The following GABRG2 variants were observed in gnomAD, a reference collection of about 807,000 sequenced individuals.
GABRG2 encodes gamma-aminobutyric acid receptor subunit gamma-2.
GABRG2 carries 16 observed loss-of-function variants against 56.4 expected under a neutral mutation model. The ratio of observed to expected loss-of-function variants is 0.28; its 90% CI spans 0.19 to 0.43. GABRG2 has a LOEUF of 0.43. Among genes scored for constraint, GABRG2 ranks in the 20% least tolerant of loss-of-function variants. The pLI, the probability that GABRG2 is intolerant of heterozygous loss-of-function variation, is 1.00. For missense variants in GABRG2, 327 were observed against 582.7 expected (o/e 0.56, Z 4.52); for synonymous variants, 208 against 205.5 (o/e 1.01, Z -0.10).
intron 1 of GABRG2, among the ~76,000 whole-genome samples, chr5:162,093,294 C>T (rs1327285973): frequency 6.6e-6 from 1 of 152,064 alleles, no homozygotes; most frequent in Admixed American, 6.6e-5. Context: ...CATAAACACA[C>T]CCTGGGGGAA....
At chr5:162,114,392 T>A (rs1419641711) in intron 6 of GABRG2, among the ~76,000 whole-genome samples, 1 of 152,014 alleles carries the variant, frequency 6.6e-6, no homozygotes, top group African/African-American at 2.4e-5. Context: ...TCTGTAGAGA[T>A]GAAAAATATT....
At chr5:162,082,171 T>C (rs1482822728) in intron 1 of GABRG2, among the ~76,000 whole-genome samples, 1 of 151,766 alleles carries the variant, frequency 6.6e-6, no homozygotes, top group Non-Finnish European at 1.5e-5. Context: ...GAGAAAGTAA[T>C]AATAGGGAAG....
rs115914599 is a variant in GABRG2 at position 162,138,134 on chromosome 5, A to T, written c.770-4030A>T. 4.3e-3 allele frequency among the ~76,000 whole-genome samples: 655 copies of T among 152,114 alleles called. 7 individuals carry two copies. The highest frequency in any genetic ancestry group is 0.015 in the African/African-American group (631 of 41,492). ...AACTTTTTTCCTTTATGCCTTTTAA[A>T]TTTTATGTTATACTTGACAAAGCTT... is the stretch of plus-strand genomic sequence containing the variant. On this transcript the variant is annotated intron_variant, in intron 6 of 9. Coordinates refer to ENST00000639213, the MANE Select transcript of GABRG2 (RefSeq NM_198904.4).
chr5:162,145,373 G>A (rs1355034703), intron 7 of GABRG2, among the ~76,000 whole-genome samples: 3 of 152,186 alleles, frequency 2.0e-5, no homozygotes, highest in African/African-American at 7.2e-5. Context: ...CATCCCTGAA[G>A]AGCTTACTTC....
At chr5:162,138,251 T>A (rs2113575505) in intron 6 of GABRG2, among the ~76,000 whole-genome samples, 1 of 152,314 alleles carries the variant, frequency 6.6e-6, no homozygotes, top group South Asian at 2.1e-4. Flanking sequence ...CCATCTTAAA[T>A]TTATTTTGTG....
intron 1 of GABRG2, among the ~76,000 whole-genome samples, chr5:162,071,348 G>T (rs566297189): frequency 3.3e-5 from 5 of 151,364 alleles, no homozygotes; most frequent in African/African-American, 1.2e-4. Context: ...AACATAAAAT[G>T]TTTTTATTTT....
chr5:162,074,704 G>A (rs1038985171), intron 1 of GABRG2, among the ~76,000 whole-genome samples: 1 of 151,920 alleles, frequency 6.6e-6, no homozygotes, highest in Non-Finnish European at 1.5e-5. Context: ...ATTGAGGAAA[G>A]CAACTCTAAA....
chr5:162,086,495 T>A (rs1367101082), intron 1 of GABRG2, among the ~76,000 whole-genome samples: 1 of 151,992 alleles, frequency 6.6e-6, no homozygotes, highest in Non-Finnish European at 1.5e-5. Flanking sequence ...TATAACTCAA[T>A]GCATTATCAA....
intron 2 of GABRG2, among the ~76,000 whole-genome samples, chr5:162,095,006 C>G (rs566930436): frequency 1.3e-5 from 2 of 152,084 alleles, no homozygotes; most frequent in African/African-American, 4.8e-5. Context: ...TTAAAGGAAT[C>G]AACAGGGAAC....
chr5:162,088,126 G>A (rs1011148928), intron 1 of GABRG2, among the ~76,000 whole-genome samples: 1 of 152,028 alleles, frequency 6.6e-6, no homozygotes, highest in Non-Finnish European at 1.5e-5. Context: ...AATCCCACAG[G>A]CCATTGAAGG....
At chr5:162,117,535 C>A (rs1365572154) in intron 6 of GABRG2, among the ~76,000 whole-genome samples, 5 of 152,120 alleles carry the variant, frequency 3.3e-5, no homozygotes, top group East Asian at 3.9e-4. Context: ...AAATCTTTTC[C>A]TGTATTTAAT....
intron 6 of GABRG2, among the ~76,000 whole-genome samples, chr5:162,135,395 A>G (rs1417475565): frequency 6.6e-6 from 1 of 152,202 alleles, no homozygotes; most frequent in Admixed American, 6.6e-5. Context: ...TTTGGTGTAT[A>G]GCTCATCTAG....
chr5:162,089,778 A>G (rs752620818), intron 1 of GABRG2, among the ~76,000 whole-genome samples: 1 of 152,122 alleles, frequency 6.6e-6, no homozygotes, highest in Non-Finnish European at 1.5e-5. Flanking sequence ...AAATGCCTTT[A>G]TTTCTCATCC....
At chr5:162,145,538 G>A (rs1257789877) in intron 7 of GABRG2, among the ~76,000 whole-genome samples, 1 of 152,172 alleles carries the variant, frequency 6.6e-6, no homozygotes, top group Non-Finnish European at 1.5e-5. Context: ...CACTATTGAT[G>A]TCATTGCAGT....
At chr5:162,139,964 G>C (rs566711316) in intron 6 of GABRG2, among the ~76,000 whole-genome samples, 1 of 152,194 alleles carries the variant, frequency 6.6e-6, no homozygotes, top group South Asian at 2.1e-4. Flanking sequence ...TGTTAATAGA[G>C]GTCATCTCAA....
In GABRG2 at chr5:162,153,098, T is replaced by C. The variant is rs1406802023; in HGVS notation, c.1158T>C (p.Pro386=). 1.9e-6 allele frequency: 3 copies of C among 1,613,848 alleles called. No homozygotes were observed. The highest frequency in any genetic ancestry group is 2.5e-6 in the Non-Finnish European group (3 of 1,179,934). Residue 386 remains proline, a synonymous_variant, in exon 10 of 10, where the codon CCT becomes CCC. Transcript: ENST00000639213. ...CTTCCCTACCCTCGTCCCAGGCCCC[T>C]ACCATTGATATCCGCCCAAGATCAG... is the stretch of plus-strand genomic sequence containing the variant. ...PLLRMFSFKA[P]TIDIRPRSAT... is the part of the protein sequence containing the mutation.
At chr5:162,101,414 T>C (rs1761408318) in intron 5 of GABRG2, 97 bp downstream of exon 5, 8 of 868,648 alleles carry the variant, frequency 9.2e-6, no homozygotes, top group Admixed American at 1.9e-5. Context: ...AATTTCAAAG[T>C]TGTATTAAGT....
intron 6 of GABRG2, among the ~76,000 whole-genome samples, chr5:162,106,553 G>T (rs1761843028): frequency 6.6e-6 from 1 of 152,114 alleles, no homozygotes; most frequent in Non-Finnish European, 1.5e-5. Flanking sequence ...ACTAATGAAT[G>T]TCTACAAGGA....
intron 7 of GABRG2, among the ~76,000 whole-genome samples, chr5:162,147,809 G>A (rs1369959827): frequency 6.6e-6 from 1 of 152,138 alleles, no homozygotes; most frequent in East Asian, 1.9e-4. Context: ...TCCCCCGTAA[G>A]AAATATAAAT....
Sources: allele counts gnomAD v4.1 joint callset (sites outside exome capture counted in the v4.1 genomes callset), GRCh38; gene constraint gnomAD v4.1.1; transcripts MANE v1.5; gene names NCBI Gene and HGNC (gene_info 2026-07-23, HGNC 2026-07-21).